The following ARID5B variants were observed in gnomAD, a reference collection of about 807,000 sequenced individuals.
The protein encoded by ARID5B is AT-rich interactive domain-containing protein 5B.
In ARID5B, 13 loss-of-function variants were observed where a neutral mutation model predicts 97.2. The observed-to-expected ratio is 0.13, with a 90% CI of 0.09 to 0.21. ARID5B has a LOEUF of 0.21. Ranked by LOEUF, ARID5B falls within the 10% of genes least tolerant of loss-of-function variation. The probability of loss-of-function intolerance (pLI) is 1.00; values close to 1 mark genes in which losing one functional copy is unlikely to be tolerated. For synonymous variants in ARID5B, 556 were observed against 570.3 expected (o/e 0.97, Z 0.36); for missense variants, 1,210 against 1,465.3 (o/e 0.83, Z 2.84).
chr10:61,985,279 T>A (rs1302837889), intron 3 of ARID5B, among the ~76,000 whole-genome samples: 1 of 151,536 alleles, frequency 6.6e-6, no homozygotes, highest in Non-Finnish European at 1.5e-5. Context: ...GCAATTACTT[T>A]TTGCACCAAC....
chr10:61,907,932 G>A (rs901338413), intron 2 of ARID5B, among the ~76,000 whole-genome samples: 6 of 152,170 alleles, frequency 3.9e-5, no homozygotes, highest in African/African-American at 1.2e-4. Context: ...TGGCCTATGC[G>A]GTTGATCTGC....
At chr10:61,903,271 G>A (rs1843649119) in intron 2 of ARID5B, among the ~76,000 whole-genome samples, 1 of 152,080 alleles carries the variant, frequency 6.6e-6, no homozygotes, top group Admixed American at 6.5e-5. Context: ...GGGGAGGGCG[G>A]GGAGGGGACA....
At chr10:61,946,912 C>A (rs2132805938) in intron 3 of ARID5B, among the ~76,000 whole-genome samples, 1 of 152,130 alleles carries the variant, frequency 6.6e-6, no homozygotes, top group Non-Finnish European at 1.5e-5. Flanking sequence ...CAGAGTGAGA[C>A]TCTGTCTCAA....
intron 4 of ARID5B, among the ~76,000 whole-genome samples, chr10:62,009,865 C>G (rs1252017316): frequency 2.6e-5 from 4 of 152,168 alleles, no homozygotes; most frequent in Non-Finnish European, 4.4e-5. Context: ...GGAAATGGAT[C>G]TTCAACTGGA....
At chr10:61,998,876 A>G (rs1839038021) in intron 3 of ARID5B, among the ~76,000 whole-genome samples, 1 of 152,232 alleles carries the variant, frequency 6.6e-6, no homozygotes, top group Non-Finnish European at 1.5e-5. Flanking sequence ...ACTGCTTTAG[A>G]ACAACAAAGG....
Position 62,093,236 on chromosome 10 carries a change from T to C in ARID5B, c.*206T>C, listed in dbSNP as rs1840413226. On this transcript the variant is annotated 3_prime_UTR_variant, in exon 10 of 10. Transcript: ENST00000279873. ...CCACAAACTGACTGGCTGGTGAGTC[T>C]TGACTCCCTTCCAACACAGATGCCC... 1.5e-6 allele frequency: 1 copy of C among 667,010 alleles called. No homozygotes were observed. The highest frequency in any genetic ancestry group is 3.4e-5 in the Admixed American group (1 of 29,372). The allele number at this position is 667,010 out of a possible 1,614,324, so 41.3% of individuals were successfully genotyped here.
intron 6 of ARID5B, 71 bp from the exon 7 acceptor site, chr10:62,059,172 T>C: frequency 8.3e-7 from 1 of 1,207,372 alleles, no homozygotes; most frequent in Non-Finnish European, 1.2e-6. Flanking sequence ...AAAAAAAAAA[T>C]GTTTTAATTG....
Position 61,952,492 on chromosome 10 carries a change from G to A in ARID5B, c.502+12084G>A, listed in dbSNP as rs986630109. ...AAAAAGTCTTAACTCTATAGTGTTA[G>A]CACTCAGACATCAAAGCTATACCTA... is the stretch of plus-strand genomic sequence containing the variant. On this transcript the variant is annotated intron_variant, in intron 3 of 9. Transcript: ENST00000279873. Among the ~76,000 whole-genome samples the A allele has an allele frequency of 6.6e-5, 10 of 152,230 alleles. 2 individuals carry two copies. The highest frequency in any genetic ancestry group is 6.5e-4 in the Admixed American group (10 of 15,288).
intron 3 of ARID5B, among the ~76,000 whole-genome samples, chr10:61,981,216 A>C (rs1838772889): frequency 3.9e-5 from 6 of 152,108 alleles, no homozygotes; most frequent in Admixed American, 3.9e-4. Context: ...ATGTTCAATC[A>C]AAGGCAGCTG....
Position 62,095,102 on chromosome 10 carries a change from A to T in ARID5B, c.*2072A>T, listed in dbSNP as rs566395607. 27 of 222,784 alleles carry T rather than the reference A, an allele frequency of 1.2e-4. No homozygotes were observed. The highest frequency in any genetic ancestry group is 5.2e-4 in the African/African-American group (23 of 44,520). The allele number at this position is 222,784 out of a possible 1,614,324, so 13.8% of individuals were successfully genotyped here. A position where few individuals can be genotyped will look rare whatever the true frequency, so the allele number is the denominator to read the frequency against. On this transcript the variant is annotated 3_prime_UTR_variant, in exon 10 of 10. Transcript: ENST00000279873. The stretch of plus-strand genomic sequence containing the variant: ...TTAATTATTTACCTTCCTGTGGAAT[A>T]ATATATATATATATATTTAATAGAA...
chr10:61,925,065 C>T (rs1340405496), intron 2 of ARID5B, among the ~76,000 whole-genome samples: 1 of 151,956 alleles, frequency 6.6e-6, no homozygotes, highest in African/African-American at 2.4e-5. Flanking sequence ...AATGGCTGGT[C>T]ATGGTGGCAC....
rs1007674228 is a variant in ARID5B, at chr10:61,986,280, C to A, written c.503-13811C>A. On this transcript the variant is annotated intron_variant, in intron 3 of 9. Transcript: ENST00000279873. ...ATAAAATGGGACTATTCTTGACAGA[C>A]CCTAAGAGAGATTCTAGGAGGATTG... Among the ~76,000 whole-genome samples the A allele has an allele frequency of 3.3e-5, 5 of 152,124 alleles. No homozygotes were observed. The South Asian group carries it at 1.0e-3, about 32-fold the overall frequency.
intron 8 of ARID5B, among the ~76,000 whole-genome samples, chr10:62,080,732 G>A (rs1840201178): frequency 6.6e-6 from 1 of 152,104 alleles, no homozygotes; most frequent in South Asian, 2.1e-4. Context: ...TCCATTTGGG[G>A]TGAGATCAGG....
intron 8 of ARID5B, among the ~76,000 whole-genome samples, chr10:62,078,984 C>G (rs1177473241): frequency 6.7e-6 from 1 of 150,340 alleles, no homozygotes; most frequent in Non-Finnish European, 1.5e-5. Flanking sequence ...AGAGTAGTTG[C>G]CCAGTGCCCA....
chr10:61,925,140 G>A (rs1844080829), intron 2 of ARID5B, among the ~76,000 whole-genome samples: 1 of 152,130 alleles, frequency 6.6e-6, no homozygotes, highest in African/African-American at 2.4e-5. Context: ...GGGAGGCAGA[G>A]GTTGTAGTGA....
chr10:61,937,362 G>T (rs1844323490), intron 2 of ARID5B, among the ~76,000 whole-genome samples: 1 of 152,138 alleles, frequency 6.6e-6, no homozygotes, highest in African/African-American at 2.4e-5. Context: ...GGGCTGACTG[G>T]TTTGTGACTT....
At chr10:61,989,526 TG>T (rs1282429997) in intron 3 of ARID5B, among the ~76,000 whole-genome samples, 2 of 152,186 alleles carry the variant, frequency 1.3e-5, no homozygotes, top group Non-Finnish European at 2.9e-5. Flanking sequence ...TGAAATAAGA[TG>T]GTGATTAACT....
intron 3 of ARID5B, among the ~76,000 whole-genome samples, chr10:61,989,316 GT>G (rs1838890812): frequency 6.6e-6 from 1 of 152,134 alleles, no homozygotes; most frequent in African/African-American, 2.4e-5. Flanking sequence ...AATTTCACCT[GT>G]TTTCTGTTTA....
Position 62,025,407 on chromosome 10 carries a change from T to C in ARID5B, c.733+25086T>C, listed in dbSNP as rs1033009975. The C allele has an allele frequency of 3.3e-5, 5 of 152,224 alleles. No individual in the cohort carries two copies. In the East Asian group the frequency reaches 7.7e-4, roughly 23 times the overall value. 9.4% of individuals were successfully genotyped at this position (152,224 alleles called of 1,614,324 possible). A position where few individuals can be genotyped will look rare whatever the true frequency, so the allele number is the denominator to read the frequency against. Reference sequence around the variant, plus strand: ...TATAATGGGTATCTTTAAAGAGAGTTTGGAGACGGGGAGATGTGGGGTCAT... The same window carrying C: ...TATAATGGGTATCTTTAAAGAGAGTCTGGAGACGGGGAGATGTGGGGTCAT... On this transcript the variant is annotated intron_variant, in intron 4 of 9. Coordinates refer to ENST00000279873, the MANE Select transcript of ARID5B (RefSeq NM_032199.3).
Sources: gnomAD v4.1 joint callset for allele counts (sites outside exome capture counted in the v4.1 genomes callset) on GRCh38, gnomAD v4.1.1 for gene constraint, MANE v1.5 for transcripts, NCBI Gene and HGNC (gene_info 2026-07-23, HGNC 2026-07-21) for gene names.